Variants in TNKS observed in about 807,000 individuals in gnomAD.
TNKS encodes the protein tankyrase, also known as poly [ADP-ribose] polymerase tankyrase-1.
TNKS carries 72 observed loss-of-function variants against 135.8 expected under a neutral mutation model. The ratio of observed to expected loss-of-function variants is 0.53; its 90% CI spans 0.44 to 0.64. The LOEUF (loss-of-function observed/expected upper bound fraction) is 0.64, where lower values mean the gene tolerates loss of function less well. Ranked by LOEUF, TNKS falls within the 30% of genes least tolerant of loss-of-function variation. The probability of loss-of-function intolerance (pLI) is 0.00; values close to 1 mark genes in which losing one functional copy is unlikely to be tolerated. For synonymous variants in TNKS, 849 were observed against 649.3 expected (o/e 1.31, Z -4.68); for missense variants, 1,769 against 1,674.0 (o/e 1.06, Z -0.99).
chr8:9,710,275 C>T, intron 11 of TNKS, 55 bp downstream of exon 11: 1 of 1,501,974 alleles, frequency 6.7e-7, no homozygotes, highest in East Asian at 2.3e-5. Flanking sequence ...GCCAGCTGCT[C>T]TTAACACTGC....
intron 5 of TNKS, among the ~76,000 whole-genome samples, chr8:9,684,388 T>A (rs997584414): frequency 6.6e-6 from 1 of 152,058 alleles, no homozygotes; most frequent in African/African-American, 2.4e-5. Context: ...TTATAATAAA[T>A]GAAAATAAAT....
chr8:9,751,067 A>AG (rs34558296), intron 18 of TNKS, among the ~76,000 whole-genome samples: 41,669 of 150,656 alleles, frequency 0.28, 6,078 homozygotes, highest in African/African-American at 0.35. Context: ...TTCGGCGGGT[A>AG]GGGGGCAGAA....
chr8:9,721,082 C>T (rs1490880688), intron 12 of TNKS, among the ~76,000 whole-genome samples: 1 of 151,750 alleles, frequency 6.6e-6, no homozygotes, highest in Non-Finnish European at 1.5e-5. Context: ...GAGATCGAGA[C>T]CATCTTGGCC....
At chr8:9,740,071 A>AG (rs1414610080) in intron 17 of TNKS, among the ~76,000 whole-genome samples, 3 of 149,948 alleles carry the variant, frequency 2.0e-5, no homozygotes, top group African/African-American at 7.3e-5. Context: ...AAAAAAAAAA[A>AG]AAAAAAAAAG....
chr8:9,686,122 G>A (rs13260526), intron 5 of TNKS, among the ~76,000 whole-genome samples: 90,862 of 152,010 alleles, frequency 0.6, 27,383 homozygotes, highest in Middle Eastern at 0.69. Context: ...AAAATAAGGC[G>A]CAAGTGATAC....
intron 1 of TNKS, among the ~76,000 whole-genome samples, chr8:9,561,603 T>A (rs2129049380): frequency 6.6e-6 from 1 of 152,310 alleles, no homozygotes; most frequent in Non-Finnish European, 1.5e-5. Flanking sequence ...TCCCTTCAAT[T>A]GATAGACCCT....
chr8:9,756,563 A>C (rs1221439809), intron 20 of TNKS, among the ~76,000 whole-genome samples: 1 of 152,152 alleles, frequency 6.6e-6, no homozygotes, highest in Non-Finnish European at 1.5e-5. Flanking sequence ...TATGATTTTC[A>C]GAAAAAAAAA....
chr8:9,620,101 C>A (rs1222017399), intron 3 of TNKS, among the ~76,000 whole-genome samples: 2 of 152,096 alleles, frequency 1.3e-5, no homozygotes, highest in South Asian at 4.1e-4. Context: ...AGGCAGGCGC[C>A]ACCACGCCCA....
chr8:9,760,909 C>G (rs1188890470), intron 20 of TNKS, among the ~76,000 whole-genome samples: 2 of 152,186 alleles, frequency 1.3e-5, no homozygotes, highest in African/African-American at 4.8e-5. Flanking sequence ...ATCTAATTTT[C>G]TTATCCAAAT....
intron 3 of TNKS, among the ~76,000 whole-genome samples, chr8:9,676,279 T>C (rs1802529683): frequency 6.6e-6 from 1 of 152,000 alleles, no homozygotes; most frequent in Admixed American, 6.6e-5. Context: ...TCCCAGTGTG[T>C]TGGGATTACA....
chr8:9,764,041 T>A (rs1456144327), intron 22 of TNKS, among the ~76,000 whole-genome samples: 1 of 152,134 alleles, frequency 6.6e-6, no homozygotes. Context: ...TACTACCTAA[T>A]TCTCCTAGCA....
At chr8:9,720,691 C>T (rs1430302892) in intron 12 of TNKS, 146 bp downstream of exon 12, 11 of 933,200 alleles carry the variant, frequency 1.2e-5, no homozygotes, top group Middle Eastern at 3.5e-4. Flanking sequence ...CCCCATCTCC[C>T]TTTTTTGGTA....
rs537322155 is a variant in TNKS, at chr8:9,568,711, G to C, written c.674-11448G>C. ...ATTCTGGTATATTGTTTGGGTTAAA[G>C]TATATGAAGAAAATCCTTCTTCAAA... On this transcript the variant is annotated intron_variant, in intron 1 of 26. Coordinates refer to ENST00000310430, the MANE Select transcript of TNKS (RefSeq NM_003747.3). Among the ~76,000 whole-genome samples the C allele has an allele frequency of 1.3e-4, 20 of 152,316 alleles. No homozygotes were observed. In the South Asian group the frequency reaches 3.9e-3, roughly 30 times the overall value.
chr8:9,587,645 G>A (rs948244593), intron 2 of TNKS, among the ~76,000 whole-genome samples: 11 of 152,068 alleles, frequency 7.2e-5, no homozygotes, highest in Admixed American at 2.6e-4. Context: ...CTTGTGATCC[G>A]CCCGCCTCGG....
At chr8:9,655,553 G>C (rs1374033241) in intron 3 of TNKS, among the ~76,000 whole-genome samples, 3 of 152,188 alleles carry the variant, frequency 2.0e-5, no homozygotes, top group African/African-American at 4.8e-5. Context: ...ACCTCCAGAA[G>C]AACGATTAGA....
At chr8:9,651,809 T>G (rs563439693) in intron 3 of TNKS, among the ~76,000 whole-genome samples, 4 of 152,298 alleles carry the variant, frequency 2.6e-5, no homozygotes, top group African/African-American at 9.6e-5. Context: ...GCCAGGCAAA[T>G]TGGTAGTTCC....
At chr8:9,727,594 A>G (rs1487792245) in intron 13 of TNKS, among the ~76,000 whole-genome samples, 1 of 152,144 alleles carries the variant, frequency 6.6e-6, no homozygotes. Flanking sequence ...TATTATTTTT[A>G]TCGAAAAGTT....
At chr8:9,613,602 T>C (rs1270724157) in intron 2 of TNKS, among the ~76,000 whole-genome samples, 2 of 152,254 alleles carry the variant, frequency 1.3e-5, no homozygotes, top group Non-Finnish European at 2.9e-5. Flanking sequence ...GCTACATTAC[T>C]TTGCTGTAGA....
chr8:9,580,218 C>A lies in TNKS; in HGVS notation c.733C>A (p.Arg245Ser). 2 of 1,614,100 alleles carry A rather than the reference C, an allele frequency of 1.2e-6. No homozygotes were observed. The highest frequency in any genetic ancestry group is 1.7e-6 in the Non-Finnish European group (2 of 1,180,022). Residue 245 changes from arginine to serine, a missense_variant, in exon 2 of 27, where the codon CGT (arginine) becomes AGT (serine). By Grantham distance (110) the Arg-to-Ser change is moderately radical (BLOSUM62 -1). Coordinates refer to ENST00000310430, the MANE Select transcript of TNKS (RefSeq NM_003747.3). ...LLQMGANVHARDDGGLIPLHN... is the reference protein window; with the variant it reads ...LLQMGANVHASDDGGLIPLHN... ...ACAGATGGGTGCTAATGTCCACGCTCGTGATGATGGAGGTCTCATCCCGCT... is the reference window on the plus strand; with the variant it reads ...ACAGATGGGTGCTAATGTCCACGCTAGTGATGATGGAGGTCTCATCCCGCT...
Sources: gnomAD v4.1 joint callset for allele counts (sites outside exome capture counted in the v4.1 genomes callset) on GRCh38, gnomAD v4.1.1 for gene constraint, MANE v1.5 for transcripts, NCBI Gene and HGNC (gene_info 2026-07-23, HGNC 2026-07-21) for gene names.